CTNNA2: variants seen among roughly 807,000 people sequenced by gnomAD.
The protein encoded by CTNNA2 is catenin alpha 2.
In CTNNA2, 42 loss-of-function variants were observed where a neutral mutation model predicts 101.0. That is an observed-to-expected ratio of 0.42 (90% CI 0.32 to 0.54). The LOEUF (loss-of-function observed/expected upper bound fraction) is 0.54. Among genes scored for constraint, CTNNA2 ranks in the 20% least tolerant of loss-of-function variants. CTNNA2 has a pLI of 0.14. For synonymous variants in CTNNA2, 450 were observed against 456.4 expected (o/e 0.99, Z 0.18); for missense variants, 871 against 1,223.1 (o/e 0.71, Z 4.29).
At chr2:79,922,596 T>G (rs1686743098) in intron 7 of CTNNA2, among the ~76,000 whole-genome samples, 1 of 152,042 alleles carries the variant, frequency 6.6e-6, no homozygotes, top group South Asian at 2.1e-4. Context: ...CTCATCTGTT[T>G]ATTTTCAACC....
intron 4 of CTNNA2, among the ~76,000 whole-genome samples, chr2:79,447,698 A>G (rs917117870): frequency 6.6e-6 from 1 of 152,048 alleles, no homozygotes; most frequent in Non-Finnish European, 1.5e-5. Context: ...AAAAGGGAGC[A>G]TGAGCCCTAC....
chr2:79,966,340 A>G (rs1181842628), intron 7 of CTNNA2, among the ~76,000 whole-genome samples: 1 of 152,008 alleles, frequency 6.6e-6, no homozygotes, highest in Non-Finnish European at 1.5e-5. Flanking sequence ...GGCTCAAGCG[A>G]TCCTCCCACC....
At position 79,265,769 on chromosome 2, in the gene CTNNA2, A is replaced by G. The variant is rs566665610; in HGVS notation, c.-405-46940A>G. 2.4e-4 allele frequency among the ~76,000 whole-genome samples: 37 copies of G among 152,320 alleles called. No individual in the cohort carries two copies. The South Asian group carries it at 7.7e-3, about 32-fold the overall frequency. On this transcript the variant is annotated intron_variant, in intron 2 of 21. Transcript: ENST00000466387. ...ATTCAATATTTGTTTGTGTATAATT[A>G]TTAGCATTGTAAGTCAGAGAGATAT...
intron 9 of CTNNA2, among the ~76,000 whole-genome samples, chr2:80,521,931 G>A (rs780263955): frequency 6.6e-6 from 1 of 152,146 alleles, no homozygotes; most frequent in Non-Finnish European, 1.5e-5. Flanking sequence ...GGTAGAGAAA[G>A]AATTAGCCTC....
intron 7 of CTNNA2, among the ~76,000 whole-genome samples, chr2:80,245,080 G>C (rs918110800): frequency 6.6e-6 from 1 of 152,182 alleles, no homozygotes; most frequent in Non-Finnish European, 1.5e-5. Context: ...GTTCACAGTC[G>C]AGTTCCCCTT....
At chr2:79,990,576 A>G (rs1330374517) in intron 7 of CTNNA2, among the ~76,000 whole-genome samples, 1 of 152,230 alleles carries the variant, frequency 6.6e-6, no homozygotes, top group Non-Finnish European at 1.5e-5. Context: ...TAAAATAGGT[A>G]TAAATAATAG....
intron 7 of CTNNA2, among the ~76,000 whole-genome samples, chr2:80,364,067 T>C (rs1162760257): frequency 6.6e-6 from 1 of 152,178 alleles, no homozygotes; most frequent in East Asian, 1.9e-4. Context: ...TAATTCTGTT[T>C]CTAAAATCGA....
At chr2:79,403,667 A>G (rs1678312286) in intron 4 of CTNNA2, among the ~76,000 whole-genome samples, 1 of 152,038 alleles carries the variant, frequency 6.6e-6, no homozygotes, top group Non-Finnish European at 1.5e-5. Flanking sequence ...GGTTATCAAG[A>G]TTTCCACATA....
intron 7 of CTNNA2, among the ~76,000 whole-genome samples, chr2:79,966,928 G>A (rs1171859984): frequency 6.6e-6 from 1 of 151,740 alleles, no homozygotes; most frequent in Non-Finnish European, 1.5e-5. Flanking sequence ...TTTCCTGGAG[G>A]TTCTTCTGCT....
intron 1 of CTNNA2, among the ~76,000 whole-genome samples, chr2:79,612,807 T>C (rs1261208766): frequency 6.6e-6 from 1 of 152,160 alleles, no homozygotes; most frequent in East Asian, 1.9e-4. Flanking sequence ...CTGGCATTGC[T>C]TACCTGTTTT....
chr2:79,215,525 C>A (rs1307351261), intron 2 of CTNNA2, among the ~76,000 whole-genome samples: 3 of 152,062 alleles, frequency 2.0e-5, no homozygotes, highest in Non-Finnish European at 2.9e-5. Flanking sequence ...TATTTAATGT[C>A]AGGAGCAGAT....
intron 1 of CTNNA2, among the ~76,000 whole-genome samples, chr2:79,529,388 A>G (rs1352266715): frequency 4.0e-5 from 6 of 151,866 alleles, no homozygotes; most frequent in African/African-American, 1.5e-4. Context: ...ATGATGTAAA[A>G]TATGAAGAGC....
At chr2:80,335,679 A>G (rs1381232304) in intron 7 of CTNNA2, among the ~76,000 whole-genome samples, 1 of 152,216 alleles carries the variant, frequency 6.6e-6, no homozygotes, top group Non-Finnish European at 1.5e-5. Context: ...TCAGAAAGGC[A>G]CATTAGAGCT....
In CTNNA2 at chr2:79,791,067, T is replaced by C. The variant is rs4852523; in HGVS notation, c.298+46485T>C. ...TGTATTCAACTTTTGATTCATGGCTTACAAAGTATGAATAGATTGGGCACA... is the reference window on the plus strand; with the variant it reads ...TGTATTCAACTTTTGATTCATGGCTCACAAAGTATGAATAGATTGGGCACA... On this transcript the variant is annotated intron_variant, in intron 3 of 18. Transcript: ENST00000402739. Among the ~76,000 whole-genome samples the C allele has an allele frequency of 0.013, 2,016 of 152,302 alleles. 110 individuals carry two copies. The East Asian group carries it at 0.16, about 12-fold the overall frequency.
chr2:80,303,600 A>T lies in CTNNA2; in HGVS notation c.1057-89611A>T. On this transcript the variant is annotated intron_variant, in intron 7 of 18. Coordinates refer to ENST00000402739, the MANE Select transcript of CTNNA2 (RefSeq NM_001282597.3). This position sits in a 1 kb window ranked among gnomAD's most constrained non-coding sequence, Gnocchi z 7.7. Reference sequence around the variant, plus strand: ...GCGCGCAGCTCCGAGAGGCTGTTGTAGCGCAGGGACAAGCCCAGCAGGCCG... The same window carrying T: ...GCGCGCAGCTCCGAGAGGCTGTTGTTGCGCAGGGACAAGCCCAGCAGGCCG... The T allele has an allele frequency of 6.2e-7, 1 of 1,614,188 alleles. No individual in the cohort carries two copies. The highest frequency in any genetic ancestry group is 1.3e-5 in the African/African-American group (1 of 75,062).
chr2:79,744,304 C>T (rs1325015943), intron 2 of CTNNA2, 83 bp from the exon 3 acceptor site: 14 of 1,314,600 alleles, frequency 1.1e-5, no homozygotes, highest in South Asian at 3.1e-5. Flanking sequence ...TTAATAAACA[C>T]GGAGATTTAG....
At chr2:80,300,281 GGTGTGTGTGTGTGTGTGTGTGTGTGTGT>G (rs70940079) in intron 7 of CTNNA2, among the ~76,000 whole-genome samples, 2 of 93,108 alleles carry the variant, frequency 2.1e-5, no homozygotes, top group Admixed American at 2.1e-4. Context: ...GGGGTGTTGG[GGTGTGTGTGTGTGTGTGTGTGTGTGTGT>G]GTGTGTGTGT....
At chr2:79,951,686 G>A (rs201676742) in intron 7 of CTNNA2, among the ~76,000 whole-genome samples, 153 of 71,678 alleles carry the variant, frequency 2.1e-3, no homozygotes, top group African/African-American at 3.9e-3. Context: ...AATAAGATAA[G>A]TTAAAATAAA....
chr2:79,317,651 G>A (rs549427215), intron 3 of CTNNA2, among the ~76,000 whole-genome samples: 171 of 152,068 alleles, frequency 1.1e-3, no homozygotes, highest in African/African-American at 4.0e-3. Flanking sequence ...CAAAATTTAT[G>A]AAACAATGAA....
Sources: allele counts gnomAD v4.1 joint callset (sites outside exome capture counted in the v4.1 genomes callset), GRCh38; gene constraint gnomAD v4.1.1; non-coding constraint Gnocchi (gnomAD v3.1); transcripts MANE v1.5; gene names NCBI Gene and HGNC (gene_info 2026-07-23, HGNC 2026-07-21).